Variants in CDH20 observed in about 807,000 individuals in gnomAD.
CDH20 encodes the protein cadherin-20.
Under a neutral mutation model 74.2 loss-of-function variants are expected in CDH20, and 29 were observed. That is an observed-to-expected ratio of 0.39 (90% CI 0.29 to 0.53). CDH20 has a LOEUF of 0.53. Among genes scored for constraint, CDH20 ranks in the 20% least tolerant of loss-of-function variants. The pLI is 0.69. For missense variants in CDH20, 988 were observed against 1,048.3 expected, an observed-to-expected ratio of 0.94 and a Z score of 0.79; for synonymous variants, 469 against 405.4, an observed-to-expected ratio of 1.16 and a Z score of -1.88.
chr18:61,414,123 T>C (rs1465375820), intron 1 of CDH20, among the ~76,000 whole-genome samples: 2 of 152,150 alleles, frequency 1.3e-5, no homozygotes, highest in African/African-American at 4.8e-5. Context: ...CTCCATCGTA[T>C]TTTAGAAACT....
intron 1 of CDH20, among the ~76,000 whole-genome samples, chr18:61,396,314 C>G (rs540628510): frequency 1.3e-5 from 2 of 152,284 alleles, no homozygotes; most frequent in East Asian, 3.9e-4. Context: ...CAAACTCTTC[C>G]TTTCTAGGTA....
intron 1 of CDH20, among the ~76,000 whole-genome samples, chr18:61,410,172 T>A (rs1912450497): frequency 6.6e-6 from 1 of 152,284 alleles, no homozygotes; most frequent in Non-Finnish European, 1.5e-5. Context: ...AACCACTGTG[T>A]TCTCCTTAGT....
intron 10 of CDH20, 64 bp downstream of exon 10, chr18:61,545,208 C>T: frequency 4.1e-6 from 4 of 976,268 alleles, no homozygotes; most frequent in Non-Finnish European, 6.7e-6. Flanking sequence ...CTTTGGGTTA[C>T]TGTCTTATGC....
At chr18:61,493,540 G>A (rs1303849417) in intron 2 of CDH20, among the ~76,000 whole-genome samples, 1 of 152,120 alleles carries the variant, frequency 6.6e-6, no homozygotes, top group East Asian at 1.9e-4. Flanking sequence ...TCCCAATCAA[G>A]CTGGACCTCC....
At position 61,506,342 on chromosome 18, in the gene CDH20, C is replaced by T. The variant is rs1046012255; in HGVS notation, c.830-1031C>T. Among the ~76,000 whole-genome samples the T allele has an allele frequency of 3.9e-5, 6 of 152,298 alleles. No homozygotes were observed. In the South Asian group the frequency reaches 6.2e-4, roughly 16 times the overall value. On this transcript the variant is annotated intron_variant, in intron 5 of 11. Coordinates refer to ENST00000262717, the MANE Select transcript of CDH20 (RefSeq NM_031891.4). Reference sequence around the variant, plus strand: ...TACAAACTTTAAAGATTTCCTGGCTCATGTTTGTAAAGAACAAGCATCATT... The same window carrying T: ...TACAAACTTTAAAGATTTCCTGGCTTATGTTTGTAAAGAACAAGCATCATT...
At chr18:61,374,208 C>T (rs1193372497) in intron 1 of CDH20, among the ~76,000 whole-genome samples, 1 of 152,036 alleles carries the variant, frequency 6.6e-6, no homozygotes, top group African/African-American at 2.4e-5. Flanking sequence ...TTAACACCTC[C>T]GTATGAAACG....
chr18:61,414,580 C>T (rs1213098059), intron 1 of CDH20, among the ~76,000 whole-genome samples: 1 of 152,024 alleles, frequency 6.6e-6, no homozygotes, highest in East Asian at 1.9e-4. Context: ...CAAGCATTTG[C>T]TTTCTTACAT....
intron 1 of CDH20, among the ~76,000 whole-genome samples, chr18:61,334,692 AAGGCAGCCCGG>A (rs1480825186): frequency 1.3e-5 from 2 of 151,998 alleles, no homozygotes; most frequent in Non-Finnish European, 2.9e-5. Flanking sequence ...TGAAATCTGG[AAGGCAGCCCGG>A]AGGCAGCGTC....
intron 1 of CDH20, among the ~76,000 whole-genome samples, chr18:61,476,813 C>A (rs949567191): frequency 1.3e-5 from 2 of 152,192 alleles, no homozygotes; most frequent in Non-Finnish European, 2.9e-5. Context: ...TACCTAGTTG[C>A]AGATCAATTT....
intron 1 of CDH20, among the ~76,000 whole-genome samples, chr18:61,363,313 T>G (rs1369038815): frequency 1.3e-5 from 2 of 151,958 alleles, no homozygotes; most frequent in African/African-American, 4.8e-5. Flanking sequence ...TGCAGATCTC[T>G]TTATTGAGCT....
At chr18:61,370,263 G>T (rs1313025955) in intron 1 of CDH20, among the ~76,000 whole-genome samples, 1 of 152,020 alleles carries the variant, frequency 6.6e-6, no homozygotes, top group Non-Finnish European at 1.5e-5. Flanking sequence ...GGGGCATAGG[G>T]TATGGTGCTT....
Position 61,405,392 on chromosome 18 carries a change from C to A in CDH20, c.-153+71565C>A, listed in dbSNP as rs147505150. ...CTTGAGGCCAGGAGTCTGAGACCAGCCTGGGCAATATACCAAGACCCCCAT... is the reference window on the plus strand; with the variant it reads ...CTTGAGGCCAGGAGTCTGAGACCAGACTGGGCAATATACCAAGACCCCCAT... On this transcript the variant is annotated intron_variant, in intron 1 of 11. Coordinates refer to ENST00000262717, the MANE Select transcript of CDH20 (RefSeq NM_031891.4). 4.0e-3 allele frequency among the ~76,000 whole-genome samples: 605 copies of A among 152,102 alleles called. 2 individuals carry two copies. The highest frequency in any genetic ancestry group is 0.014 in the African/African-American group (571 of 41,500).
chr18:61,551,491 G>A (rs764448199), intron 11 of CDH20, among the ~76,000 whole-genome samples: 4 of 152,182 alleles, frequency 2.6e-5, no homozygotes, highest in Non-Finnish European at 4.4e-5. Context: ...AGGTAGGTCC[G>A]TGCAATGTGC....
At chr18:61,518,335 A>G (rs1363109513) in intron 6 of CDH20, among the ~76,000 whole-genome samples, 13 of 152,188 alleles carry the variant, frequency 8.5e-5, no homozygotes, top group Admixed American at 8.5e-4. Context: ...GACACCTCTG[A>G]GCAGGGGTCA....
intron 1 of CDH20, among the ~76,000 whole-genome samples, chr18:61,360,731 G>A (rs1316250138): frequency 6.6e-6 from 1 of 152,222 alleles, no homozygotes; most frequent in Admixed American, 6.5e-5. Flanking sequence ...TGCATGACAG[G>A]TTAAGTGAAT....
intron 6 of CDH20, among the ~76,000 whole-genome samples, chr18:61,525,864 T>C (rs1264638505): frequency 6.6e-6 from 1 of 151,932 alleles, no homozygotes; most frequent in African/African-American, 2.4e-5. Flanking sequence ...TACGGTGCAG[T>C]GGTGCCATCA....
rs201360046 is a variant in CDH20, at chr18:61,490,503, A to C, written c.-51A>C. The C allele has an allele frequency of 2.5e-6, 4 of 1,579,784 alleles. No homozygotes were observed. Among genetic ancestry groups the C allele is most frequent in the Non-Finnish European group, 3.5e-6 (4 of 1,153,668 alleles). On this transcript the variant is annotated 5_prime_UTR_variant, in exon 2 of 12. Coordinates refer to ENST00000262717, the MANE Select transcript of CDH20 (RefSeq NM_031891.4). The stretch of plus-strand genomic sequence containing the variant: ...TTTTTTTAAATTTGGAAAATACTCA[A>C]GTTCCAGTTGCTTATCATTCTCCTT...
chr18:61,532,553 TATACAC>T (rs377111522), intron 7 of CDH20, among the ~76,000 whole-genome samples: 18,507 of 84,704 alleles, frequency 0.22, 1,262 homozygotes, highest in South Asian at 0.34. Context: ...TATATATATA[TATACAC>T]ACACACACAC....
chr18:61,365,525 T>C (rs74838548), intron 1 of CDH20, among the ~76,000 whole-genome samples: 3,308 of 152,300 alleles, frequency 0.022, 130 homozygotes, highest in African/African-American at 0.075. Flanking sequence ...AAAGGTCCAC[T>C]GAGTAAAAAT....
Sources: allele counts gnomAD v4.1 joint callset (sites outside exome capture counted in the v4.1 genomes callset), GRCh38; gene constraint gnomAD v4.1.1; transcripts MANE v1.5; gene names NCBI Gene and HGNC (gene_info 2026-07-23, HGNC 2026-07-21).